Variants in DENND1B observed in about 807,000 individuals in gnomAD.
DENND1B encodes the protein DENN domain-containing protein 1B.
A neutral mutation model predicts 90.1 loss-of-function variants in DENND1B; 59 were observed. The observed-to-expected ratio is 0.65, with a 90% CI of 0.53 to 0.81. DENND1B has a LOEUF of 0.81. DENND1B is among the 40% of genes least tolerant of loss of function. The pLI is 0.00. For synonymous variants in DENND1B, 337 were observed against 324.6 expected (o/e 1.04, Z -0.41); for missense variants, 862 against 912.6 (o/e 0.94, Z 0.71).
chr1:197,715,762 T>C (rs1660580741), intron 2 of DENND1B, among the ~76,000 whole-genome samples: 1 of 151,886 alleles, frequency 6.6e-6, no homozygotes, highest in African/African-American at 2.4e-5. Context: ...TCATTTTCTT[T>C]GTTTCTCACA....
chr1:197,693,537 A>G (rs981964852), intron 3 of DENND1B, among the ~76,000 whole-genome samples: 4 of 151,692 alleles, frequency 2.6e-5, no homozygotes, highest in African/African-American at 9.7e-5. Context: ...AAGGTCTATT[A>G]AAATGCACAT....
At chr1:197,631,398 C>T (rs1679311880) in intron 10 of DENND1B, among the ~76,000 whole-genome samples, 1 of 151,922 alleles carries the variant, frequency 6.6e-6, no homozygotes. Context: ...AAGAAGGTAG[C>T]TGATGTACTG....
At chr1:197,695,471 A>G (rs972009979) in intron 3 of DENND1B, among the ~76,000 whole-genome samples, 2 of 151,006 alleles carry the variant, frequency 1.3e-5, no homozygotes, top group African/African-American at 4.8e-5. Flanking sequence ...ACATTTACCC[A>G]TCATCTCTAC....
chr1:197,560,211 C>G (rs74971237), intron 15 of DENND1B, among the ~76,000 whole-genome samples: 1 of 151,764 alleles, frequency 6.6e-6, no homozygotes, highest in East Asian at 1.9e-4. Context: ...ATCACCAGAC[C>G]AAAAGAATCA....
intron 20 of DENND1B, among the ~76,000 whole-genome samples, chr1:197,522,098 A>T (rs536155241): frequency 6.6e-6 from 1 of 152,048 alleles, no homozygotes; most frequent in Admixed American, 6.6e-5. Context: ...GCAAGCTATA[A>T]ATCTCATTTT....
At chr1:197,683,694 C>T (rs533659105) in intron 3 of DENND1B, among the ~76,000 whole-genome samples, 1 of 152,206 alleles carries the variant, frequency 6.6e-6, no homozygotes, top group South Asian at 2.1e-4. Context: ...TTTATACTCC[C>T]ATCAATAAGC....
At chr1:197,749,375 A>G (rs192148280) in intron 2 of DENND1B, among the ~76,000 whole-genome samples, 66 of 152,174 alleles carry the variant, frequency 4.3e-4, no homozygotes, top group African/African-American at 1.6e-3. Context: ...GAAAACCACA[A>G]TAAAAAGGGA....
At chr1:197,599,729 G>C (rs956438476) in intron 13 of DENND1B, among the ~76,000 whole-genome samples, 2 of 151,688 alleles carry the variant, frequency 1.3e-5, no homozygotes, top group East Asian at 3.9e-4. Context: ...TCTATTCGAA[G>C]ATTAAAACAG....
chr1:197,647,398 T>G (rs1045322309), intron 7 of DENND1B, among the ~76,000 whole-genome samples: 12 of 152,192 alleles, frequency 7.9e-5, no homozygotes, highest in Admixed American at 3.3e-4. Flanking sequence ...ATTAACTTTT[T>G]ATAAAAATCT....
chr1:197,697,130 G>GA (rs1658516493), intron 3 of DENND1B, among the ~76,000 whole-genome samples: 1 of 150,396 alleles, frequency 6.6e-6, no homozygotes, highest in Non-Finnish European at 1.5e-5. Flanking sequence ...AGAAGACAGG[G>GA]ATAGTGTGTG....
At chr1:197,751,604 G>A (rs1000674824) in intron 2 of DENND1B, among the ~76,000 whole-genome samples, 3 of 152,262 alleles carry the variant, frequency 2.0e-5, no homozygotes, top group African/African-American at 7.2e-5. Context: ...AGCACTTTGG[G>A]AGGCCGAGGT....
intron 2 of DENND1B, among the ~76,000 whole-genome samples, chr1:197,753,738 C>T (rs1478435747): frequency 1.3e-5 from 2 of 152,194 alleles, no homozygotes; most frequent in Middle Eastern, 3.4e-3. Flanking sequence ...CGGTGGCTCA[C>T]GCCTATAATC....
intron 13 of DENND1B, among the ~76,000 whole-genome samples, chr1:197,598,847 T>C (rs566789845): frequency 6.6e-6 from 1 of 151,974 alleles, no homozygotes; most frequent in African/African-American, 2.4e-5. Flanking sequence ...ACTCTGTAAA[T>C]ACATTTTTTA....
At chr1:197,718,505 T>C (rs1374994863) in intron 2 of DENND1B, among the ~76,000 whole-genome samples, 2 of 151,966 alleles carry the variant, frequency 1.3e-5, no homozygotes, top group Non-Finnish European at 2.9e-5. Flanking sequence ...GGACACATAA[T>C]GGTGAACTAA....
chr1:197,642,754 A>AGCATACTG lies in DENND1B; in HGVS notation c.621_628dup (p.Leu210ProfsTer10). 6.2e-7 allele frequency: 1 copy of AGCATACTG among 1,613,718 alleles called. No individual in the cohort carries two copies. Among genetic ancestry groups the AGCATACTG allele is most frequent in the Non-Finnish European group, 8.5e-7 (1 of 1,179,808 alleles). On this transcript the variant is annotated frameshift_variant, in exon 10 of 23. Coordinates refer to ENST00000620048, the MANE Select transcript of DENND1B (RefSeq NM_001195215.2). LOFTEE classifies it high-confidence loss of function. ...GATAATCACGATGCGCCTTTCATGCAGCATACTGGCATACAGCTGCAGCAT... is the reference window on the plus strand; with the variant it reads ...GATAATCACGATGCGCCTTTCATGCAGCATACTGGCATACTGGCATACAGCTGCAGCAT...
chr1:197,643,902 CA>C (rs1680503130), intron 9 of DENND1B, among the ~76,000 whole-genome samples: 1 of 152,140 alleles, frequency 6.6e-6, no homozygotes, highest in Non-Finnish European at 1.5e-5. Flanking sequence ...TTAAGGGATT[CA>C]ACAAGATATA....
chr1:197,523,612 G>C (rs1197022530), intron 20 of DENND1B, among the ~76,000 whole-genome samples: 4 of 152,256 alleles, frequency 2.6e-5, no homozygotes, highest in African/African-American at 7.2e-5. Flanking sequence ...CAAGAACACT[G>C]AGAAAGCTTT....
At chr1:197,686,024 A>G (rs538877143) in intron 3 of DENND1B, among the ~76,000 whole-genome samples, 1 of 152,290 alleles carries the variant, frequency 6.6e-6, no homozygotes, top group South Asian at 2.1e-4. Flanking sequence ...GTTTTTACAT[A>G]ACAGAAAGCC....
chr1:197,540,164 C>A (rs1670229622), intron 19 of DENND1B, 93 bp from the exon 20 acceptor site: 3 of 720,058 alleles, frequency 4.2e-6, no homozygotes, highest in Middle Eastern at 3.7e-4. Context: ...GATATACATA[C>A]AAGTAGCAAA....
Sources: gnomAD v4.1 joint callset for allele counts (sites outside exome capture counted in the v4.1 genomes callset) on GRCh38, gnomAD v4.1.1 for gene constraint, MANE v1.5 for transcripts, NCBI Gene and HGNC (gene_info 2026-07-23, HGNC 2026-07-21) for gene names.